PGS1: variants seen among roughly 807,000 people sequenced by gnomAD.
PGS1 encodes the protein phosphatidylglycerophosphate synthase 1.
In PGS1, 44 loss-of-function variants were observed where a neutral mutation model predicts 58.3. The ratio of observed to expected loss-of-function variants is 0.75; its 90% CI spans 0.59 to 0.97. PGS1 has a LOEUF of 0.97. Ranked by LOEUF, PGS1 falls within the 50% of genes least tolerant of loss-of-function variation. The pLI, the probability that PGS1 is intolerant of heterozygous loss-of-function variation, is 0.00. For missense variants in PGS1, 684 were observed against 731.1 expected, an observed-to-expected ratio of 0.94 and a Z score of 0.74; for synonymous variants, 330 against 311.0, an observed-to-expected ratio of 1.06 and a Z score of -0.64.
Position 78,394,173 on chromosome 17 carries a change from C to CAAAA in PGS1, c.333+1531_333+1534dup, listed in dbSNP as rs1567955367. Among the ~76,000 whole-genome samples the CAAAA allele has an allele frequency of 5.2e-4, 20 of 38,538 alleles. 6 individuals carry two copies. Among genetic ancestry groups the CAAAA allele is most frequent in the African/African-American group, 1.1e-3 (15 of 14,248 alleles). The allele number at this position is 38,538 out of a possible 152,430, so 25.3% of individuals were successfully genotyped here. On this transcript the variant is annotated intron_variant, in intron 2 of 9. Transcript: ENST00000262764. ...GGCAACAGAGCGAGACTCTATCTCC[C>CAAAA]AAAAAAAAAAAAAAAAAAAAAAAAA...
intron 7 of PGS1, among the ~76,000 whole-genome samples, chr17:78,414,346 C>T (rs528809475): frequency 1.5e-4 from 23 of 152,304 alleles, no homozygotes; most frequent in African/African-American, 4.3e-4. Context: ...CACCATCTGC[C>T]GTGTTGCGCG....
At chr17:78,399,590 G>C in intron 5 of PGS1, 53 bp downstream of exon 5, 1 of 1,572,742 alleles carries the variant, frequency 6.4e-7, no homozygotes, top group Non-Finnish European at 8.7e-7. Context: ...CAGGCTGGAG[G>C]GCAGTGGAAT....
rs533969963 is a variant in PGS1 at position 78,389,126 on chromosome 17, G to C, written c.144-3350G>C. On this transcript the variant is annotated intron_variant, in intron 1 of 9. Transcript: ENST00000262764. ...CACCCAGGTTGGAGTGCAATGGTGTGATCTCGGCTCACTGCAACCTCTGGC... is the reference window on the plus strand; with the variant it reads ...CACCCAGGTTGGAGTGCAATGGTGTCATCTCGGCTCACTGCAACCTCTGGC... Among the ~76,000 whole-genome samples the C allele has an allele frequency of 9.8e-5, 13 of 132,154 alleles. No individual in the cohort carries two copies. In the South Asian group the frequency reaches 3.2e-3, roughly 33 times the overall value. The allele number at this position is 132,154 out of a possible 152,430, so 86.7% of individuals were successfully genotyped here.
chr17:78,391,238 G>A (rs911818570), intron 1 of PGS1, among the ~76,000 whole-genome samples: 2 of 152,014 alleles, frequency 1.3e-5, no homozygotes, highest in Non-Finnish European at 2.9e-5. Flanking sequence ...GTGAGCCACC[G>A]TGCGCGGCCA....
In PGS1 at chr17:78,403,592, C is replaced by T. The variant is rs202117118; in HGVS notation, c.905C>T (p.Ala302Val). ...GGGGACCGGGCCGAGTACTGCAAGG[C>T]AGCCAATAAGAGGGTCATGGATGTG... ...YKGDRAEYCK[A>V]ANKRVMDVIN... Residue 302 changes from alanine (A) to valine (V), a missense_variant, in exon 7 of 10, where the codon GCA becomes GTA. By Grantham distance (64) the Ala-to-Val change is moderately conservative. Coordinates refer to ENST00000262764, the MANE Select transcript of PGS1 (RefSeq NM_024419.5). The T allele has an allele frequency of 4.2e-5, 68 of 1,612,822 alleles. No individual in the cohort carries two copies. The East Asian group carries it at 1.3e-3, about 32-fold the overall frequency.
intron 1 of PGS1, among the ~76,000 whole-genome samples, chr17:78,390,048 C>T (rs1598265479): frequency 7.2e-6 from 1 of 138,430 alleles, no homozygotes; most frequent in East Asian, 2.1e-4. Flanking sequence ...TGATTTTATG[C>T]TGCTGTTGCC....
rs375681744 is a variant in PGS1, at chr17:78,414,900, G to A, written c.1424G>A (p.Gly475Glu). 133 of 1,614,030 alleles carry A rather than the reference G, an allele frequency of 8.2e-5. No homozygotes were observed. The highest frequency in any genetic ancestry group is 1.0e-4 in the Non-Finnish European group (121 of 1,180,024). Residue 475 changes from glycine to glutamate, a missense_variant, in exon 8 of 10, where the codon GGG becomes GAG. Transcript: ENST00000262764. ...GCAGGCCTCTGGCTGTACCTGGCAG[G>A]GAGCAGCCTGCCCTGTCTCACGCTG... ...HAKGLWLYLA[G>E]SSLPCLTLIG...
chr17:78,391,074 G>A (rs1466007824), intron 1 of PGS1, among the ~76,000 whole-genome samples: 1 of 152,082 alleles, frequency 6.6e-6, no homozygotes, highest in African/African-American at 2.4e-5. Context: ...CTGAGTAGTT[G>A]GGATAACAGG....
At position 78,378,662 on chromosome 17, in the gene PGS1, C is replaced by G. The variant is rs747139306; in HGVS notation, c.-4C>G. On this transcript the variant is annotated 5_prime_UTR_variant, in exon 1 of 10. Transcript: ENST00000262764. ...GGGAGCGGAAGCGGAAGCGGCGAGTCTCCATGGCGGTGGCGGCGGCAGCTG... is the reference window on the plus strand; with the variant it reads ...GGGAGCGGAAGCGGAAGCGGCGAGTGTCCATGGCGGTGGCGGCGGCAGCTG... The G allele has an allele frequency of 9.9e-5, 152 of 1,533,910 alleles. 2 individuals carry two copies. The highest frequency in any genetic ancestry group is 1.4e-4 in the South Asian group (12 of 82,844).
At position 78,378,728 on chromosome 17, in the gene PGS1, G is replaced by A. The variant is rs544668560; in HGVS notation, c.63G>A (p.Leu21=). 8 of 1,514,754 alleles carry A rather than the reference G, an allele frequency of 5.3e-6. No individual in the cohort carries two copies. The East Asian group carries it at 1.9e-4, about 36-fold the overall frequency. The allele number at this position is 1,514,754 out of a possible 1,614,324, so 93.8% of individuals were successfully genotyped here. A position where few individuals can be genotyped will look rare whatever the true frequency, so the allele number is the denominator to read the frequency against. Residue 21 remains leucine, a synonymous_variant, in exon 1 of 10, where the codon CTG becomes CTA. Transcript: ENST00000262764. ...PVFWRRLLGL[L]PGRPGLAALL... ...TCTGGAGGCGACTGCTGGGCCTCCTGCCTGGCCGCCCAGGGCTGGCCGCGC... is the reference window on the plus strand; with the variant it reads ...TCTGGAGGCGACTGCTGGGCCTCCTACCTGGCCGCCCAGGGCTGGCCGCGC...
At chr17:78,380,286 T>G (rs2081948709) in intron 1 of PGS1, among the ~76,000 whole-genome samples, 1 of 152,166 alleles carries the variant, frequency 6.6e-6, no homozygotes, top group African/African-American at 2.4e-5. Context: ...ACTCCTCGGG[T>G]GAGATTTGAC....
intron 1 of PGS1, among the ~76,000 whole-genome samples, chr17:78,382,116 G>A (rs1040238075): frequency 6.6e-5 from 10 of 152,190 alleles, no homozygotes; most frequent in African/African-American, 1.9e-4. Context: ...CGGTGAAGAA[G>A]AGGGGGAGTG....
chr17:78,423,930 G>C lies in PGS1; in HGVS notation c.*11-131G>C, dbSNP rs141424232. ...GCTAAACCTGTAGGAGCAGCGCCACGGCTGCCAGGATCCACTTCGCTGCCT... is the reference window on the plus strand; with the variant it reads ...GCTAAACCTGTAGGAGCAGCGCCACCGCTGCCAGGATCCACTTCGCTGCCT... On this transcript the variant is annotated intron_variant, in intron 9 of 9. Transcript: ENST00000262764. 6.2e-6 allele frequency: 10 copies of C among 1,613,966 alleles called. No homozygotes were observed. The South Asian group carries it at 1.1e-4, about 18-fold the overall frequency.
At chr17:78,390,544 C>T (rs779562134) in intron 1 of PGS1, among the ~76,000 whole-genome samples, 16 of 152,332 alleles carry the variant, frequency 1.1e-4, no homozygotes, top group Middle Eastern at 3.4e-3. Context: ...AGGGCTTTAT[C>T]ATGAAGCAAG....
At chr17:78,383,516 G>A (rs1175008029) in intron 1 of PGS1, among the ~76,000 whole-genome samples, 4 of 152,302 alleles carry the variant, frequency 2.6e-5, no homozygotes, top group Admixed American at 2.0e-4. Context: ...GTGAGCCACC[G>A]TGCCCGGCCT....
intron 1 of PGS1, among the ~76,000 whole-genome samples, chr17:78,384,708 C>G (rs2082259264): frequency 6.6e-6 from 1 of 152,180 alleles, no homozygotes; most frequent in African/African-American, 2.4e-5. Context: ...GTGAGGACAG[C>G]CCTCCAGCTT....
chr17:78,387,390 C>T (rs1343523035), intron 1 of PGS1, among the ~76,000 whole-genome samples: 3 of 148,070 alleles, frequency 2.0e-5, no homozygotes, highest in Non-Finnish European at 4.5e-5. Flanking sequence ...ACCTCCGCCT[C>T]CCGGGTTCAA....
intron 3 of PGS1, 138 bp downstream of exon 3, chr17:78,396,523 C>A: frequency 1.5e-6 from 1 of 653,012 alleles, no homozygotes; most frequent in East Asian, 2.7e-5. Flanking sequence ...TTTTGTTGCC[C>A]CAGATATGGG....
intron 1 of PGS1, among the ~76,000 whole-genome samples, chr17:78,386,012 C>T (rs534363576): frequency 6.6e-6 from 1 of 152,290 alleles, no homozygotes; most frequent in East Asian, 1.9e-4. Context: ...CCCAAGGCAC[C>T]CTGCTGAGGA....
Sources: gnomAD v4.1 joint callset for allele counts (sites outside exome capture counted in the v4.1 genomes callset) on GRCh38, gnomAD v4.1.1 for gene constraint, MANE v1.5 for transcripts, NCBI Gene and HGNC (gene_info 2026-07-23, HGNC 2026-07-21) for gene names.